The following UBAC2 variants were observed in gnomAD, a reference collection of about 807,000 sequenced individuals.
UBAC2 encodes ubiquitin-associated domain-containing protein 2.
Under a neutral mutation model 44.0 loss-of-function variants are expected in UBAC2, and 26 were observed. The ratio of observed to expected loss-of-function variants is 0.59; its 90% confidence interval spans 0.43 to 0.82. The LOEUF (loss-of-function observed/expected upper bound fraction) is 0.82. UBAC2 is among the 40% of genes least tolerant of loss of function. The pLI, the probability that UBAC2 is intolerant of heterozygous loss-of-function variation, is 0.00. For synonymous variants in UBAC2, 155 were observed against 154.3 expected (o/e 1.00, Z -0.04); for missense variants, 329 against 419.4 (o/e 0.78, Z 1.88).
At chr13:99,232,424 A>ATATATATATATATATATATATATATT (rs1446628804) in intron 1 of UBAC2, among the ~76,000 whole-genome samples, 2 of 142,698 alleles carry the variant, frequency 1.4e-5, no homozygotes, top group African/African-American at 2.6e-5. Context: ...ATATATATTC[A>ATATATATATATATATATATATATATT]CACACACATA....
Position 99,385,629 on chromosome 13 carries a change from T to G in UBAC2, c.*294T>G, listed in dbSNP as rs554018238. The G allele has an allele frequency of 9.9e-5, 35 of 354,442 alleles. No individual in the cohort carries two copies. The South Asian group carries it at 1.4e-3, about 15-fold the overall frequency. 22.0% of individuals were successfully genotyped at this position (354,442 alleles called of 1,614,324 possible). On this transcript the variant is annotated 3_prime_UTR_variant, in exon 9 of 9. Transcript: ENST00000403766. Reference sequence around the variant, plus strand: ...TTAAAATGCATTAAAATGGAAGATTTCTGCAGGCAGTTGAATGGCACTCCA... The same window carrying G: ...TTAAAATGCATTAAAATGGAAGATTGCTGCAGGCAGTTGAATGGCACTCCA...
intron 7 of UBAC2, among the ~76,000 whole-genome samples, chr13:99,347,529 TC>T (rs1350945033): frequency 1.3e-5 from 2 of 151,974 alleles, no homozygotes; most frequent in Non-Finnish European, 2.9e-5. Context: ...GTCACGCTGG[TC>T]CCCGTTCAAG....
chr13:99,221,676 G>T (rs914773740), intron 1 of UBAC2, among the ~76,000 whole-genome samples: 54 of 152,174 alleles, frequency 3.5e-4, no homozygotes, highest in Non-Finnish European at 6.2e-4. Flanking sequence ...GGATAAAAAT[G>T]CTGCCCTGTT....
rs569299105 is a variant in UBAC2, at chr13:99,295,761, G to A, written c.390-18336G>A. 3.7e-6 allele frequency: 6 copies of A among 1,613,996 alleles called. No homozygotes were observed. Among genetic ancestry groups the A allele is most frequent in the Non-Finnish European group, 4.2e-6 (5 of 1,179,978 alleles). On this transcript the variant is annotated intron_variant, in intron 4 of 8. Coordinates refer to ENST00000403766, the MANE Select transcript of UBAC2 (RefSeq NM_001144072.2). The surrounding 1 kb of genome is among the most constrained non-coding windows in gnomAD (Gnocchi z 4.1). The stretch of plus-strand genomic sequence containing the variant: ...AGAGGGTGCACCACAGCAATGAAGC[G>A]GTCAATACTCAGGCAGGTCATAAAG...
chr13:99,250,970 C>T (rs1468022002), intron 4 of UBAC2, among the ~76,000 whole-genome samples: 4 of 152,038 alleles, frequency 2.6e-5, no homozygotes, highest in African/African-American at 4.8e-5. Context: ...AGGATGGTCT[C>T]GATCTCCTGA....
rs202154292 is a variant in UBAC2 at position 99,254,887 on chromosome 13, T to A, written c.389+10263T>A. The A allele has an allele frequency of 1.1e-4, 185 of 1,610,458 alleles. 1 individual carries two copies. In the South Asian group the frequency reaches 1.3e-3, roughly 11 times the overall value. On this transcript the variant is annotated intron_variant, in intron 4 of 8. Transcript: ENST00000403766. ...AAAGAACCTTATTATTCATAACATT[T>A]CACTGTTTATATTGCTTAGTGACCG...
chr13:99,271,793 C>T (rs73565995), intron 4 of UBAC2, among the ~76,000 whole-genome samples: 1,629 of 152,212 alleles, frequency 0.011, 32 homozygotes, highest in African/African-American at 0.038. Flanking sequence ...TCCCCCAGCT[C>T]ACAAAAGTAT....
chr13:99,243,714 C>T, intron 2 of UBAC2, 118 bp from the exon 3 acceptor site: 1 of 859,500 alleles, frequency 1.2e-6, no homozygotes, highest in Non-Finnish European at 1.8e-6. Context: ...TTGGTGTGTG[C>T]ATTATGATTT....
intron 7 of UBAC2, among the ~76,000 whole-genome samples, chr13:99,349,496 G>A (rs769755344): frequency 1.8e-4 from 27 of 152,134 alleles, no homozygotes; most frequent in Non-Finnish European, 2.5e-4. Context: ...GGCCCTGAAC[G>A]GCTGGGTGCG....
At chr13:99,369,004 G>T (rs1240771351) in intron 8 of UBAC2, among the ~76,000 whole-genome samples, 1 of 152,146 alleles carries the variant, frequency 6.6e-6, no homozygotes, top group Non-Finnish European at 1.5e-5. Flanking sequence ...CACATCTAGG[G>T]CATCGGCTTG....
intron 2 of UBAC2, among the ~76,000 whole-genome samples, chr13:99,242,714 G>C (rs188179841): frequency 6.7e-6 from 1 of 148,322 alleles, no homozygotes; most frequent in Non-Finnish European, 1.5e-5. Flanking sequence ...CCGACGGGGC[G>C]GCTGGCCTGG....
At chr13:99,342,421 G>A (rs2044904357) in intron 7 of UBAC2, among the ~76,000 whole-genome samples, 1 of 152,194 alleles carries the variant, frequency 6.6e-6, no homozygotes, top group Admixed American at 6.5e-5. Flanking sequence ...ACACTGCAGA[G>A]TGGAAAGGGC....
intron 1 of UBAC2, among the ~76,000 whole-genome samples, chr13:99,208,605 A>C (rs1468308454): frequency 6.6e-6 from 1 of 151,808 alleles, no homozygotes; most frequent in Non-Finnish European, 1.5e-5. Flanking sequence ...TTTTTTTCCC[A>C]GTTAAGACTT....
intron 6 of UBAC2, among the ~76,000 whole-genome samples, chr13:99,318,623 A>T (rs1332012224): frequency 6.6e-6 from 1 of 151,018 alleles, no homozygotes; most frequent in Non-Finnish European, 1.5e-5. Context: ...GATCGAGACC[A>T]TCCTGGCTGA....
intron 4 of UBAC2, among the ~76,000 whole-genome samples, chr13:99,275,340 C>T (rs2043868686): frequency 6.6e-6 from 1 of 152,120 alleles, no homozygotes; most frequent in Non-Finnish European, 1.5e-5. Flanking sequence ...TTACAGCTTC[C>T]CCCAGGTGAG....
At chr13:99,292,589 ATAAAT>A (rs2044105851) in intron 4 of UBAC2, among the ~76,000 whole-genome samples, 1 of 152,142 alleles carries the variant, frequency 6.6e-6, no homozygotes, top group Non-Finnish European at 1.5e-5. Context: ...GGACTGTTTT[ATAAAT>A]TATTGAGCTC....
At chr13:99,272,464 G>T (rs1356440253) in intron 4 of UBAC2, among the ~76,000 whole-genome samples, 3 of 152,174 alleles carry the variant, frequency 2.0e-5, no homozygotes. Context: ...GGAATGTAGG[G>T]TCATAGGATA....
intron 6 of UBAC2, among the ~76,000 whole-genome samples, chr13:99,336,414 A>T (rs2044789498): frequency 1.3e-5 from 2 of 152,226 alleles, no homozygotes; most frequent in Non-Finnish European, 2.9e-5. Flanking sequence ...CCCCAGTGCC[A>T]AAAAGGTATT....
chr13:99,335,346 C>T (rs1225615467), intron 6 of UBAC2, among the ~76,000 whole-genome samples: 1 of 151,794 alleles, frequency 6.6e-6, no homozygotes, highest in East Asian at 1.9e-4. Flanking sequence ...TCAGAAAAGG[C>T]ATTTCTACTT....
Sources: gnomAD v4.1 joint callset for allele counts (sites outside exome capture counted in the v4.1 genomes callset) on GRCh38, gnomAD v4.1.1 for gene constraint, Gnocchi (gnomAD v3.1) non-coding constraint, MANE v1.5 for transcripts, NCBI Gene and HGNC (gene_info 2026-07-23, HGNC 2026-07-21) for gene names.